Variants in PTGS1 observed in about 807,000 individuals in gnomAD.
PTGS1 encodes prostaglandin G/H synthase 1.
In PTGS1, 40 loss-of-function variants were observed where a neutral mutation model predicts 63.0. The observed-to-expected ratio is 0.63, with a 90% CI of 0.49 to 0.83. The LOEUF is 0.83. Ranked by LOEUF, PTGS1 falls within the 40% of genes least tolerant of loss-of-function variation. The pLI is 0.00. For missense variants in PTGS1, 709 were observed against 786.5 expected, an observed-to-expected ratio of 0.90 and a Z score of 1.18; for synonymous variants, 298 against 301.9, an observed-to-expected ratio of 0.99 and a Z score of 0.13.
intron 2 of PTGS1, chr9:122,371,738 C>A: frequency 2.0e-6 from 3 of 1,523,614 alleles, no homozygotes; most frequent in Non-Finnish European, 2.6e-6. Flanking sequence ...GTGAAGACTT[C>A]GGGAGAACAT....
At chr9:122,387,034 T>C (rs1230002313) in intron 9 of PTGS1, among the ~76,000 whole-genome samples, 4 of 152,022 alleles carry the variant, frequency 2.6e-5, no homozygotes, top group Non-Finnish European at 5.9e-5. Context: ...CCTTACTGCG[T>C]GTCAGGCACT....
chr9:122,370,713 A>C, upstream of PTGS1: 1 of 455,258 alleles, frequency 2.2e-6, no homozygotes. Flanking sequence ...TCTGCGGGGC[A>C]GGGTATGTGG....
At chr9:122,384,681 G>T (rs1200392788) in intron 8 of PTGS1, among the ~76,000 whole-genome samples, 1 of 152,162 alleles carries the variant, frequency 6.6e-6, no homozygotes, top group Non-Finnish European at 1.5e-5. Flanking sequence ...GGGACACTCA[G>T]CAGATGGAGA....
rs1027711254 is a variant in PTGS1, at chr9:122,371,703, T to C, written c.94+431T>C. The C allele has an allele frequency of 8.0e-6, 12 of 1,494,260 alleles. 1 individual carries two copies. In the South Asian group the frequency reaches 1.3e-4, roughly 16 times the overall value. 92.6% of individuals were successfully genotyped at this position (1,494,260 alleles called of 1,614,324 possible). A position where few individuals can be genotyped will look rare whatever the true frequency, so the allele number is the denominator to read the frequency against. On this transcript the variant is annotated intron_variant, in intron 2 of 10. Transcript: ENST00000362012. ...GTCTGGGAACCCATCCTGATTCCCA[T>C]TGCCAGTGGAGAAGGTCTCCCCTGG...
In PTGS1 at chr9:122,378,914, C is replaced by T. The variant is rs753398325; in HGVS notation, c.492C>T (p.Thr164=). 12 of 1,614,036 alleles carry T rather than the reference C, an allele frequency of 7.4e-6. No individual in the cohort carries two copies. The highest frequency in any genetic ancestry group is 1.6e-4 in the Middle Eastern group (1 of 6,080). ...VPKDCPTPMG[T]KGKKQLPDAQ... ...AAGATTGCCCCACACCCATGGGAACCAAAGGTAAAATGGGGTGAGGAGCTG... is the reference window on the plus strand; with the variant it reads ...AAGATTGCCCCACACCCATGGGAACTAAAGGTAAAATGGGGTGAGGAGCTG... Residue 164 remains threonine, a synonymous_variant, in exon 5 of 11, where the codon ACC becomes ACT. Coordinates refer to ENST00000362012, the MANE Select transcript of PTGS1 (RefSeq NM_000962.4).
chr9:122,375,436 A>T, intron 2 of PTGS1: 1 of 985,488 alleles, frequency 1.0e-6, no homozygotes, highest in Non-Finnish European at 1.2e-6. Flanking sequence ...CCTTTTGGTC[A>T]GGCTGGAGGT....
At chr9:122,370,848 T>G (rs978059925), upstream of PTGS1, 5 of 640,370 alleles carry the variant, frequency 7.8e-6, no homozygotes, top group Non-Finnish European at 1.3e-5. Context: ...GAAACGTAAG[T>G]GCTTCAAGGA....
chr9:122,383,767 A>AGACCT lies in PTGS1; in HGVS notation c.1009+14_1009+18dup. ...CCTCATCCTCATAGGTGAGGACTCC[A>AGACCT]GACCTGCCCTGCCCTGGAAGGTCAT... On this transcript the variant is annotated intron_variant, in intron 8 of 10. Coordinates refer to ENST00000362012, the MANE Select transcript of PTGS1 (RefSeq NM_000962.4). 1 of 1,602,560 alleles carries AGACCT rather than the reference A, an allele frequency of 6.2e-7. No homozygotes were observed. The highest frequency in any genetic ancestry group is 2.2e-5 in the East Asian group (1 of 44,676).
Position 122,386,828 on chromosome 9 carries a change from G to A in PTGS1, c.1296+96G>A, listed in dbSNP as rs531383554. The A allele has an allele frequency of 3.6e-5, 51 of 1,431,718 alleles. No individual in the cohort carries two copies. The East Asian group carries it at 1.1e-3, about 31-fold the overall frequency. 88.7% of individuals were successfully genotyped at this position (1,431,718 alleles called of 1,614,324 possible). On this transcript the variant is annotated intron_variant, in intron 9 of 10. Coordinates refer to ENST00000362012, the MANE Select transcript of PTGS1 (RefSeq NM_000962.4). The stretch of plus-strand genomic sequence containing the variant: ...GGTTCTTCTTCTGTAAAATGGGGCT[G>A]ATGTCACTTCTACAGGGCAGTTGTA...
rs747538111 is a variant in PTGS1, at chr9:122,390,271, T to C, written c.1370T>C (p.Met457Thr). The C allele has an allele frequency of 5.0e-6, 8 of 1,613,994 alleles. No individual in the cohort carries two copies. In the East Asian group the frequency reaches 6.7e-5, roughly 13 times the overall value. Residue 457 changes from methionine (M) to threonine (T), a missense_variant, in exon 10 of 11, where the codon ATG becomes ACG. Physicochemically the swap from Met to Thr is moderately conservative, Grantham distance 81. Coordinates refer to ENST00000362012, the MANE Select transcript of PTGS1 (RefSeq NM_000962.4). ...AVDVIRESRE[M>T]RLQPFNEYRK... ...GATGTCATCAGGGAGTCTCGGGAGATGCGGCTGCAGCCCTTCAATGAGTAC... is the reference window on the plus strand; with the variant it reads ...GATGTCATCAGGGAGTCTCGGGAGACGCGGCTGCAGCCCTTCAATGAGTAC...
chr9:122,373,868 T>C (rs1476611211), intron 2 of PTGS1, among the ~76,000 whole-genome samples: 1 of 151,352 alleles, frequency 6.6e-6, no homozygotes, highest in African/African-American at 2.4e-5. Flanking sequence ...TTTTTTTTTT[T>C]CTCTCTGGCT....
intron 2 of PTGS1, chr9:122,375,262 T>A: frequency 1.0e-6 from 1 of 984,490 alleles, no homozygotes; most frequent in Non-Finnish European, 1.2e-6. Context: ...GAGCCTCAGC[T>A]CCCGCACAGC....
At chr9:122,371,483 G>A (rs910874862) in intron 2 of PTGS1, 4 of 1,267,192 alleles carry the variant, frequency 3.2e-6, no homozygotes, top group African/African-American at 3.0e-5. Context: ...GTTCTTTCAG[G>A]GGAAACAGCA....
chr9:122,381,568 G>C lies in PTGS1; in HGVS notation c.678+16G>C, dbSNP rs1353846429. On this transcript the variant is annotated intron_variant, in intron 6 of 10. Transcript: ENST00000362012. Reference sequence around the variant, plus strand: ...GGGCCATGGGGTGAGTACCTAGGAGGGGCTCAGGACTGCTCTGGACCTAAT... The same window carrying C: ...GGGCCATGGGGTGAGTACCTAGGAGCGGCTCAGGACTGCTCTGGACCTAAT... 6.2e-7 allele frequency: 1 copy of C among 1,614,124 alleles called. No individual in the cohort carries two copies. Among genetic ancestry groups the C allele is most frequent in the Non-Finnish European group, 8.5e-7 (1 of 1,179,976 alleles).
At position 122,391,360 on chromosome 9, in the gene PTGS1, T is replaced by TATATATATAC. The variant is rs1564147152; in HGVS notation, c.1445-820_1445-819insCATATATATA. Among the ~76,000 whole-genome samples, 222 of 51,636 alleles carry TATATATATAC rather than the reference T, an allele frequency of 4.3e-3. 1 individual carries two copies. The highest frequency in any genetic ancestry group is 5.0e-3 in the African/African-American group (20 of 4,022). The allele number at this position is 51,636 out of a possible 152,430, so 33.9% of individuals were successfully genotyped here. ...TGTATATATATACTATATATATACA[T>TATATATATAC]ATATATATATACATATATATATATA... On this transcript the variant is annotated intron_variant, in intron 10 of 10. Transcript: ENST00000362012.
In PTGS1 at chr9:122,392,173, C is replaced by T. The variant is rs567083165; in HGVS notation, c.1445-16C>T. On this transcript the variant is annotated splice_polypyrimidine_tract_variant and intron_variant, in intron 10 of 10. Transcript: ENST00000362012. ...TCATGGATCTGATGCTAGCATTTCC[C>T]CTTATCTCCTTGTAGGAGAGAAGGA... 3 of 1,562,668 alleles carry T rather than the reference C, an allele frequency of 1.9e-6. No individual in the cohort carries two copies. Among genetic ancestry groups the T allele is most frequent in the Admixed American group, 1.8e-5 (1 of 56,518 alleles).
intron 2 of PTGS1, among the ~76,000 whole-genome samples, chr9:122,377,042 C>G (rs2119130530): frequency 6.6e-6 from 1 of 152,326 alleles, no homozygotes; most frequent in Admixed American, 6.5e-5. Flanking sequence ...CTCTCCTATT[C>G]CCTTGGTCTG....
chr9:122,381,331 A>T (rs759402438), intron 5 of PTGS1, 40 bp from the exon 6 acceptor site: 1 of 1,598,486 alleles, frequency 6.3e-7, no homozygotes, highest in African/African-American at 1.3e-5. Flanking sequence ...AGCAAGATCC[A>T]GATAGGAGAA....
At chr9:122,371,692 C>T (rs2119105261) in intron 2 of PTGS1, 1 of 1,484,330 alleles carries the variant, frequency 6.7e-7, no homozygotes, top group Admixed American at 2.2e-5. Context: ...GGGAACCCAT[C>T]CTGATTCCCA....
Sources: gnomAD v4.1 joint callset for allele counts (sites outside exome capture counted in the v4.1 genomes callset) on GRCh38, gnomAD v4.1.1 for gene constraint, MANE v1.5 for transcripts, NCBI Gene and HGNC (gene_info 2026-07-23, HGNC 2026-07-21) for gene names.